PDE1A: variants seen among roughly 807,000 people sequenced by gnomAD.
The protein encoded by PDE1A is phosphodiesterase 1A.
Under a neutral mutation model 61.7 loss-of-function variants are expected in PDE1A, and 35 were observed. The ratio of observed to expected loss-of-function variants is 0.57; its 90% CI spans 0.43 to 0.75. The LOEUF (loss-of-function observed/expected upper bound fraction) is 0.75, where lower values mean the gene tolerates loss of function less well. PDE1A is among the 30% of genes least tolerant of loss of function. The pLI, the probability that PDE1A is intolerant of heterozygous loss-of-function variation, is 0.00. For synonymous variants in PDE1A, 232 were observed against 213.2 expected, an observed-to-expected ratio of 1.09 and a Z score of -0.77; for missense variants, 597 against 630.6, an observed-to-expected ratio of 0.95 and a Z score of 0.57.
chr2:182,661,288 T>G, the PDE1A span, among the ~76,000 whole-genome samples: 1 of 152,234 alleles, frequency 6.6e-6, no homozygotes, highest in Non-Finnish European at 1.5e-5. Flanking sequence ...CATTTAGGTG[T>G]ATAATTTTCT....
chr2:182,589,044 AAATAATAATAATAATAATAATAATAAT>A, the PDE1A span, among the ~76,000 whole-genome samples: 2 of 138,212 alleles, frequency 1.4e-5, no homozygotes, highest in African/African-American at 5.3e-5. Context: ...CTCTGTCTCA[AAATAATAATAATAATAATAATAATAAT>A]AATAATAATA....
At chr2:182,328,027 C>T (rs1230248301) in intron 1 of PDE1A, among the ~76,000 whole-genome samples, 3 of 152,056 alleles carry the variant, frequency 2.0e-5, no homozygotes, top group South Asian at 2.1e-4. Flanking sequence ...GTAGAATATG[C>T]GAATATAGGT....
intron 1 of PDE1A, among the ~76,000 whole-genome samples, chr2:182,304,918 T>TA (rs1187669003): frequency 1.3e-5 from 2 of 152,180 alleles, no homozygotes; most frequent in Non-Finnish European, 2.9e-5. Context: ...ATGGCACTGA[T>TA]AGACTTGCTT....
chr2:182,602,161 C>A, the PDE1A span, among the ~76,000 whole-genome samples: 1 of 152,248 alleles, frequency 6.6e-6, no homozygotes, highest in East Asian at 1.9e-4. Flanking sequence ...CATTTCTGAG[C>A]CTATGAAGGC....
At position 182,251,154 on chromosome 2, in the gene PDE1A, C is replaced by A. The variant is rs192252904; in HGVS notation, c.168-10862G>T. Among the ~76,000 whole-genome samples the A allele has an allele frequency of 2.9e-3, 437 of 152,264 alleles. 4 individuals carry two copies. The highest frequency in any genetic ancestry group is 9.9e-3 in the African/African-American group (413 of 41,540). On this transcript the variant is annotated intron_variant, in intron 2 of 13. Transcript: ENST00000351439. ...TGATTAACAAATTTTGATTAATAAGCATCCTGTGTAGTTAGAAAGACTGCC... is the reference window on the plus strand; with the variant it reads ...TGATTAACAAATTTTGATTAATAAGAATCCTGTGTAGTTAGAAAGACTGCC...
Position 182,271,938 on chromosome 2 carries a change from C to T in PDE1A, c.54-7524G>A, listed in dbSNP as rs150637045. On this transcript the variant is annotated intron_variant, in intron 1 of 13. Transcript: ENST00000351439. Reference sequence around the variant, plus strand: ...GATTGATACATGATGCAAAAACATGCTACTTTTTAAATGGAATAAATGGTG... The same window carrying T: ...GATTGATACATGATGCAAAAACATGTTACTTTTTAAATGGAATAAATGGTG... 5.2e-3 allele frequency among the ~76,000 whole-genome samples: 798 copies of T among 152,040 alleles called. 5 individuals carry two copies. Among genetic ancestry groups the T allele is most frequent in the Admixed American group, 8.9e-3 (136 of 15,268 alleles).
At chr2:182,272,753 A>C (rs1231835776) in intron 1 of PDE1A, among the ~76,000 whole-genome samples, 1 of 152,140 alleles carries the variant, frequency 6.6e-6, no homozygotes, top group Non-Finnish European at 1.5e-5. Flanking sequence ...GAATGTTTGG[A>C]AATTCGTTTT....
At chr2:182,286,132 C>A (rs971639452) in intron 1 of PDE1A, among the ~76,000 whole-genome samples, 5 of 152,076 alleles carry the variant, frequency 3.3e-5, no homozygotes, top group African/African-American at 1.2e-4. Context: ...TTCCTTATTT[C>A]CAGACTCAAA....
chr2:182,537,329 T>C, the PDE1A span, among the ~76,000 whole-genome samples: 1 of 152,140 alleles, frequency 6.6e-6, no homozygotes, highest in Non-Finnish European at 1.5e-5. Flanking sequence ...TAAAAAAGAA[T>C]GAGTTCATGT....
chr2:182,628,909 G>C, the PDE1A span, among the ~76,000 whole-genome samples: 1 of 152,286 alleles, frequency 6.6e-6, no homozygotes, highest in East Asian at 1.9e-4. Flanking sequence ...TATGGCAAAA[G>C]TGATGGTATG....
chr2:182,562,450 G>C, the PDE1A span, among the ~76,000 whole-genome samples: 4 of 150,642 alleles, frequency 2.7e-5, no homozygotes, highest in African/African-American at 9.7e-5. Flanking sequence ...TGCTGGATTC[G>C]GTTTGCCAGT....
the PDE1A span, among the ~76,000 whole-genome samples, chr2:182,604,141 T>G: frequency 2.0e-5 from 3 of 152,222 alleles, no homozygotes; most frequent in South Asian, 4.1e-4. Context: ...TTTAATTATA[T>G]CTGAAAGAAA....
At chr2:182,428,329 C>T (rs572199590), upstream of PDE1A, among the ~76,000 whole-genome samples, 2 of 152,116 alleles carry the variant, frequency 1.3e-5, no homozygotes, top group African/African-American at 2.4e-5. Context: ...AAATCTGATT[C>T]GCCTGCTTCT....
the PDE1A span, among the ~76,000 whole-genome samples, chr2:182,691,525 T>C: frequency 1.3e-5 from 2 of 152,112 alleles, no homozygotes; most frequent in African/African-American, 4.8e-5. Context: ...ATACAAAAAT[T>C]AATTAAAGAT....
chr2:182,362,154 A>G (rs568413218), intron 1 of PDE1A, among the ~76,000 whole-genome samples: 1 of 152,134 alleles, frequency 6.6e-6, no homozygotes, highest in East Asian at 1.9e-4. Flanking sequence ...CTTCATAATA[A>G]TATGAAAAGT....
intron 8 of PDE1A, among the ~76,000 whole-genome samples, chr2:182,204,875 C>G (rs1435614060): frequency 6.6e-6 from 1 of 152,104 alleles, no homozygotes; most frequent in Admixed American, 6.6e-5. Context: ...CTCTACCTGA[C>G]AGCATTTTCT....
intron 10 of PDE1A, among the ~76,000 whole-genome samples, chr2:182,190,758 C>A (rs976332569): frequency 5.9e-5 from 9 of 152,032 alleles, no homozygotes; most frequent in African/African-American, 2.2e-4. Context: ...GAGATTGAGA[C>A]CATCCTGGCC....
chr2:182,617,759 A>G, the PDE1A span, among the ~76,000 whole-genome samples: 1 of 152,042 alleles, frequency 6.6e-6, no homozygotes, highest in South Asian at 2.1e-4. Context: ...CTGTTCTTGG[A>G]ATGTCTTTAC....
At chr2:182,276,959 A>G (rs1693463108) in intron 1 of PDE1A, among the ~76,000 whole-genome samples, 1 of 152,006 alleles carries the variant, frequency 6.6e-6, no homozygotes, top group Admixed American at 6.6e-5. Flanking sequence ...GTAAATTTGA[A>G]GTCAGACCAG....
Sources: gnomAD v4.1 joint callset for allele counts (sites outside exome capture counted in the v4.1 genomes callset) on GRCh38, gnomAD v4.1.1 for gene constraint, MANE v1.5 for transcripts, NCBI Gene and HGNC (gene_info 2026-07-23, HGNC 2026-07-21) for gene names.